The following CENPF variants were observed in gnomAD, a reference collection of about 807,000 sequenced individuals.
CENPF encodes centromere protein F, also known as AH antigen.
In CENPF, 214 loss-of-function variants were observed where a neutral mutation model predicts 307.3. The observed-to-expected ratio is 0.70, with a 90% CI of 0.62 to 0.78. CENPF has a LOEUF of 0.78. Ranked by LOEUF, CENPF falls within the 30% of genes least tolerant of loss-of-function variation. The pLI, the probability that CENPF is intolerant of heterozygous loss-of-function variation, is 0.00. For missense variants in CENPF, 3,401 were observed against 3,483.9 expected, an observed-to-expected ratio of 0.98 and a Z score of 0.60; for synonymous variants, 1,259 against 1,270.6, an observed-to-expected ratio of 0.99 and a Z score of 0.19.
At position 214,620,955 on chromosome 1, in the gene CENPF, G is replaced by C; in HGVS notation, c.865+9G>C. On this transcript the variant is annotated intron_variant, in intron 6 of 19. Coordinates refer to ENST00000366955, the MANE Select transcript of CENPF (RefSeq NM_016343.4). ...AAAAGCGCAGAATCAAGGTAACATT[G>C]AGCTAAGTTAAGTTTAAATTCACTT... 1 of 1,587,592 alleles carries C rather than the reference G, an allele frequency of 6.3e-7. No individual in the cohort carries two copies. The highest frequency in any genetic ancestry group is 8.6e-7 in the Non-Finnish European group (1 of 1,168,422).
At chr1:214,605,203 C>T (rs1158808977) in intron 1 of CENPF, among the ~76,000 whole-genome samples, 3 of 152,174 alleles carry the variant, frequency 2.0e-5, no homozygotes, top group East Asian at 3.9e-4. Flanking sequence ...AGGAGGTAGG[C>T]CACTTCACCC....
rs1262467355 is a variant in CENPF at position 214,647,188 on chromosome 1, A to G, written c.7618A>G (p.Lys2540Glu). The G allele has an allele frequency of 2.5e-6, 4 of 1,614,152 alleles. No homozygotes were observed. The highest frequency in any genetic ancestry group is 3.4e-6 in the Non-Finnish European group (4 of 1,179,998). The change falls in exon 13 of 20, where the codon AAA (lysine) becomes GAA (glutamate). Residue 2540 changes from lysine (K) to glutamate (E), a missense_variant. Physicochemically the swap from Lys to Glu is moderately conservative, Grantham distance 56. Coordinates refer to ENST00000366955, the MANE Select transcript of CENPF (RefSeq NM_016343.4). ...TCAAGACCAAGAGCAGCTTGTCTCT[A>G]AACTGTCCCAGGTGGAAGGAGAGCA... ...QIQDQEQLVS[K>E]LSQVEGEHQL...
At chr1:214,654,951 C>A (rs111837871) in intron 16 of CENPF, among the ~76,000 whole-genome samples, 1 of 151,612 alleles carries the variant, frequency 6.6e-6, no homozygotes, top group Admixed American at 6.6e-5. Flanking sequence ...TAATCCAATG[C>A]GATTCCCATT....
intron 1 of CENPF, among the ~76,000 whole-genome samples, chr1:214,612,739 G>A (rs889254533): frequency 1.3e-5 from 2 of 152,188 alleles, no homozygotes; most frequent in African/African-American, 4.8e-5. Context: ...GTTACACATG[G>A]CAGGATGATT....
chr1:214,641,614 T>C lies in CENPF; in HGVS notation c.3276T>C (p.Ala1092=). Residue 1092 remains alanine, a synonymous_variant, in exon 12 of 20, where the codon GCT becomes GCC. Transcript: ENST00000366955. ...HQEFLTKLAF[A]EERNQNLMLE... ...AATTCTTAACAAAATTAGCATTTGC[T>C]GAAGAAAGAAATCAGAATCTGATGC... The C allele has an allele frequency of 6.4e-7, 1 of 1,559,694 alleles. No homozygotes were observed. Among genetic ancestry groups the C allele is most frequent in the Non-Finnish European group, 8.6e-7 (1 of 1,158,410 alleles).
chr1:214,648,676 T>G lies in CENPF; in HGVS notation c.7832T>G (p.Val2611Gly), dbSNP rs1205570887. Residue 2611 changes from valine (V) to glycine (G), a missense_variant and splice_region_variant, in exon 14 of 20, where the codon GTA (valine) becomes GGA (glycine). Transcript: ENST00000366955. ...KMDKMSFVEK[V>G]NKMTAKETEL... Reference sequence around the variant, plus strand: ...TTCTAATGAAAGATGAAATTTCAGGTAAACAAAATGACTGCAAAGGAAACT... The same window carrying G: ...TTCTAATGAAAGATGAAATTTCAGGGAAACAAAATGACTGCAAAGGAAACT... 3.1e-6 allele frequency: 5 copies of G among 1,611,502 alleles called. No individual in the cohort carries two copies. The highest frequency in any genetic ancestry group is 4.2e-6 in the Non-Finnish European group (5 of 1,179,302).
chr1:214,657,130 C>A lies in CENPF; in HGVS notation c.8683C>A (p.Gln2895Lys). 1 of 1,614,184 alleles carries A rather than the reference C, an allele frequency of 6.2e-7. No individual in the cohort carries two copies. The highest frequency in any genetic ancestry group is 1.3e-5 in the African/African-American group (1 of 75,060). The part of the protein sequence containing the change: ...VAHLCSQQSK[Q>K]DSRGSPLLGP... ...CCATCTGTGTTCACAGCAATCTAAA[C>A]AAGATTCCCGAGGGTCTCCTTTGCT... is the stretch of plus-strand genomic sequence containing the variant. The change falls in exon 18 of 20, where the codon CAA (glutamine) becomes AAA (lysine). Residue 2895 changes from glutamine (Q) to lysine (K), a missense_variant. Transcript: ENST00000366955.
chr1:214,640,332 TA>T lies in CENPF; in HGVS notation c.1996del (p.Arg666GlufsTer10). The T allele has an allele frequency of 3.1e-6, 5 of 1,613,380 alleles. No homozygotes were observed. The highest frequency in any genetic ancestry group is 4.2e-6 in the Non-Finnish European group (5 of 1,179,894). ...AAAAGTCATGAATACAACGAGAGAG[TA>T]AGAACGCTGGAGATGGACAGAGAAA... ...QIKSHEYNER[V>X]RTLEMDRENL... On this transcript the variant is annotated frameshift_variant, in exon 12 of 20. Transcript: ENST00000366955. LOFTEE classifies it high-confidence loss of function.
At position 214,647,180 on chromosome 1, in the gene CENPF, T is replaced by C. The variant is rs762146621; in HGVS notation, c.7610T>C (p.Leu2537Pro). 1 of 1,614,114 alleles carries C rather than the reference T, an allele frequency of 6.2e-7. No individual in the cohort carries two copies. The change falls in exon 13 of 20, where the codon CTT (leucine) becomes CCT (proline). Residue 2537 changes from leucine to proline, a missense_variant. Leu to Pro is a moderately conservative substitution (Grantham distance 98). Coordinates refer to ENST00000366955, the MANE Select transcript of CENPF (RefSeq NM_016343.4). ...AATCAAATTCAAGACCAAGAGCAGC[T>C]TGTCTCTAAACTGTCCCAGGTGGAA... ...LKNQIQDQEQ[L>P]VSKLSQVEGE...
chr1:214,624,071 G>C (rs1191700033), intron 7 of CENPF, among the ~76,000 whole-genome samples: 1 of 152,004 alleles, frequency 6.6e-6, no homozygotes, highest in East Asian at 1.9e-4. Flanking sequence ...TAATGTGGTG[G>C]GTTGCACTGA....
Position 214,622,193 on chromosome 1 carries a change from T to TGA in CENPF, c.981_982insAG (p.Glu328ArgfsTer3), listed in dbSNP as rs770804942. On this transcript the variant is annotated frameshift_variant, in exon 7 of 20. Transcript: ENST00000366955. LOFTEE classifies it high-confidence loss of function. ...CAACTCCAACTGGAGAAAGCAAAAG[T>TGA]GGAATTAATTGAAAAAGAGAAAGTT... is the stretch of plus-strand genomic sequence containing the variant. 3 of 1,613,854 alleles carry TGA rather than the reference T, an allele frequency of 1.9e-6. No homozygotes were observed. The highest frequency in any genetic ancestry group is 2.5e-6 in the Non-Finnish European group (3 of 1,179,934).
chr1:214,630,387 A>G (rs1456299187), intron 8 of CENPF, 147 bp from the exon 9 acceptor site: 19 of 918,698 alleles, frequency 2.1e-5, no homozygotes, highest in South Asian at 3.6e-5. Flanking sequence ...AAGGCTGACT[A>G]TGTTCATCGT....
Position 214,641,646 on chromosome 1 carries a change from T to C in CENPF, c.3308T>C (p.Leu1103Ser), listed in dbSNP as rs1407905127. The C allele has an allele frequency of 1.3e-6, 2 of 1,578,022 alleles. No homozygotes were observed. Among genetic ancestry groups the C allele is most frequent in the South Asian group, 2.4e-5 (2 of 84,314 alleles). ...AGAAATCAGAATCTGATGCTAGAGT[T>C]GGAGACAGTGCAGCAAGCTCTGAGA... The part of the protein sequence containing the change: ...EERNQNLMLE[L>S]ETVQQALRSE... The change falls in exon 12 of 20, where the codon TTG becomes TCG. Residue 1103 changes from leucine to serine, a missense_variant. By Grantham distance (145) the Leu-to-Ser change is moderately radical (BLOSUM62 -2). Coordinates refer to ENST00000366955, the MANE Select transcript of CENPF (RefSeq NM_016343.4).
chr1:214,628,731 A>G (rs1571706082), intron 7 of CENPF, among the ~76,000 whole-genome samples: 1 of 152,234 alleles, frequency 6.6e-6, no homozygotes, highest in African/African-American at 2.4e-5. Flanking sequence ...GAAACAGACT[A>G]TCATATGAGG....
At chr1:214,629,717 A>C (rs564156890) in intron 8 of CENPF, among the ~76,000 whole-genome samples, 13 of 152,078 alleles carry the variant, frequency 8.5e-5, no homozygotes, top group African/African-American at 2.9e-4. Flanking sequence ...ACACCTGGCT[A>C]ATTTTTGTAT....
intron 1 of CENPF, chr1:214,603,675 C>T (rs1287638497): frequency 6.6e-6 from 1 of 152,256 alleles, no homozygotes; most frequent in African/African-American, 2.4e-5. Flanking sequence ...TTCCCAGTCC[C>T]GTAACCAACC....
At chr1:214,626,454 A>T (rs1387181880) in intron 7 of CENPF, among the ~76,000 whole-genome samples, 2 of 152,212 alleles carry the variant, frequency 1.3e-5, no homozygotes, top group East Asian at 3.8e-4. Flanking sequence ...GCAGTGCCTT[A>T]TACAGAGAAA....
intron 3 of CENPF, among the ~76,000 whole-genome samples, chr1:214,617,755 A>G (rs753754483): frequency 1.1e-4 from 17 of 152,206 alleles, no homozygotes; most frequent in Non-Finnish European, 2.2e-4. Flanking sequence ...AATGTCATCT[A>G]TTCTCACGAT....
chr1:214,646,667 T>C lies in CENPF; in HGVS notation c.7097T>C (p.Val2366Ala). ...ALEAENSKGEVETLKAKIEGM... is the reference protein window; with the variant it reads ...ALEAENSKGEAETLKAKIEGM... ...GAGGCAGAGAATTCCAAAGGAGAGG[T>C]AGAGACCCTAAAAGCAAAAATAGAA... is the stretch of plus-strand genomic sequence containing the variant. Residue 2366 changes from valine to alanine, a missense_variant, in exon 13 of 20, where the codon GTA (valine) becomes GCA (alanine). Coordinates refer to ENST00000366955, the MANE Select transcript of CENPF (RefSeq NM_016343.4). 6.2e-7 allele frequency: 1 copy of C among 1,613,624 alleles called. No individual in the cohort carries two copies. The highest frequency in any genetic ancestry group is 1.3e-5 in the African/African-American group (1 of 74,876).
Sources: allele counts gnomAD v4.1 joint callset (sites outside exome capture counted in the v4.1 genomes callset), GRCh38; gene constraint gnomAD v4.1.1; transcripts MANE v1.5; gene names NCBI Gene and HGNC (gene_info 2026-07-23, HGNC 2026-07-21).